The following CDK19 variants were observed in gnomAD, a reference collection of about 807,000 sequenced individuals.
CDK19 encodes the protein cyclin dependent kinase 19.
In CDK19, 20 loss-of-function variants were observed where a neutral mutation model predicts 68.3. The observed-to-expected ratio is 0.29, with a 90% confidence interval of 0.21 to 0.43. The LOEUF is 0.43. CDK19 is among the 20% of genes least tolerant of loss of function. CDK19 has a pLI of 1.00. For synonymous variants in CDK19, 221 were observed against 222.8 expected (o/e 0.99, Z 0.07); for missense variants, 339 against 623.5 (o/e 0.54, Z 4.86).
intron 1 of CDK19, among the ~76,000 whole-genome samples, chr6:110,765,896 A>G (rs1779552087): frequency 6.6e-6 from 1 of 152,174 alleles, no homozygotes. Context: ...CCCCAATGAT[A>G]TATATCATCT....
rs1171033163 is a variant in CDK19, at chr6:110,758,667, AATAT to A, written c.129-12470_129-12467del. Among the ~76,000 whole-genome samples the A allele has an allele frequency of 3.3e-5, 5 of 152,284 alleles. No individual in the cohort carries two copies. In the East Asian group the frequency reaches 9.6e-4, roughly 29 times the overall value. On this transcript the variant is annotated intron_variant, in intron 1 of 12. Transcript: ENST00000368911. The stretch of plus-strand genomic sequence containing the variant: ...CTTTTAACTACACTCCAAAGATAAA[AATAT>A]ATATATTCTGAAAAATAAAATTAAA...
intron 4 of CDK19, among the ~76,000 whole-genome samples, chr6:110,639,155 C>T: frequency 6.6e-6 from 1 of 152,118 alleles, no homozygotes; most frequent in African/African-American, 2.4e-5. Flanking sequence ...CAGCATTCAA[C>T]AACTCTATTA....
intron 4 of CDK19, among the ~76,000 whole-genome samples, chr6:110,640,796 A>C (rs77500901): frequency 0.027 from 4,065 of 152,090 alleles, 80 homozygotes; most frequent in South Asian, 0.083. Flanking sequence ...ATAAAACATA[A>C]ATTAAAAAAA....
chr6:110,730,126 C>G (rs1265802777), intron 2 of CDK19, among the ~76,000 whole-genome samples: 1 of 152,082 alleles, frequency 6.6e-6, no homozygotes, highest in African/African-American at 2.4e-5. Context: ...AAATCCAGAG[C>G]CTATCTTGAT....
chr6:110,798,628 GAAAAAAAAAA>G (rs59236293), intron 1 of CDK19, among the ~76,000 whole-genome samples: 1 of 56,744 alleles, frequency 1.8e-5, no homozygotes, highest in African/African-American at 5.7e-5. Flanking sequence ...TCTGTCTCCA[GAAAAAAAAAA>G]AAAAAAAAAA....
chr6:110,802,448 T>G (rs1198618647), intron 1 of CDK19, among the ~76,000 whole-genome samples: 2 of 152,160 alleles, frequency 1.3e-5, no homozygotes, highest in African/African-American at 4.8e-5. Context: ...ATACCGCATG[T>G]CCTCACTTAT....
At chr6:110,677,230 G>A (rs1026829686) in intron 2 of CDK19, among the ~76,000 whole-genome samples, 2 of 152,126 alleles carry the variant, frequency 1.3e-5, no homozygotes, top group Admixed American at 6.6e-5. Context: ...CAAGAGATGA[G>A]GCAAAGACCA....
At chr6:110,814,819 C>A in intron 1 of CDK19, 190 bp downstream of exon 1, 1 of 750,614 alleles carries the variant, frequency 1.3e-6, no homozygotes. Context: ...GTTCGAGGTA[C>A]GCGACGGGGC....
chr6:110,736,222 T>C (rs1356071753), intron 2 of CDK19, among the ~76,000 whole-genome samples: 1 of 152,140 alleles, frequency 6.6e-6, no homozygotes, highest in Non-Finnish European at 1.5e-5. Context: ...ATGCCTGTAA[T>C]GCCAGCTACT....
At chr6:110,669,559 T>C (rs1435526415) in intron 3 of CDK19, among the ~76,000 whole-genome samples, 2 of 152,244 alleles carry the variant, frequency 1.3e-5, no homozygotes, top group East Asian at 3.9e-4. Context: ...AGTAGGAAAA[T>C]CACTTGAGCC....
chr6:110,721,043 G>C (rs1035728912), intron 2 of CDK19, among the ~76,000 whole-genome samples: 18 of 151,934 alleles, frequency 1.2e-4, no homozygotes, highest in African/African-American at 4.4e-4. Flanking sequence ...TTTGACACCA[G>C]CCTGACCAAC....
intron 2 of CDK19, among the ~76,000 whole-genome samples, chr6:110,698,743 G>A (rs1773712944): frequency 6.6e-6 from 1 of 152,150 alleles, no homozygotes; most frequent in African/African-American, 2.4e-5. Flanking sequence ...CAAAGATATG[G>A]AACCAACCTA....
chr6:110,813,285 T>G (rs1219155573), intron 1 of CDK19: 3 of 152,106 alleles, frequency 2.0e-5, no homozygotes, highest in African/African-American at 4.8e-5. Context: ...TTTTAACTTC[T>G]CAAAAGTTCC....
intron 1 of CDK19, among the ~76,000 whole-genome samples, chr6:110,776,762 A>G (rs1780428836): frequency 6.6e-6 from 1 of 152,228 alleles, no homozygotes; most frequent in African/African-American, 2.4e-5. Context: ...TGACTACTTG[A>G]ATATTACATA....
Position 110,612,332 on chromosome 6 carries a change from G to T in CDK19, c.*2203C>A, listed in dbSNP as rs1296145733. On this transcript the variant is annotated 3_prime_UTR_variant, in exon 13 of 13. Transcript: ENST00000368911. ...ATACGTCAATGCCTTTTGTGATATT[G>T]AATCACTGGCTTTCTCTAAGGTAGA... 4 of 152,564 alleles carry T rather than the reference G, an allele frequency of 2.6e-5. No homozygotes were observed. The highest frequency in any genetic ancestry group is 4.4e-5 in the Non-Finnish European group (3 of 68,024). 9.5% of individuals were successfully genotyped at this position (152,564 alleles called of 1,614,324 possible).
chr6:110,744,048 C>G (rs1196621909), intron 2 of CDK19, among the ~76,000 whole-genome samples: 1 of 126,242 alleles, frequency 7.9e-6, no homozygotes, highest in Non-Finnish European at 1.6e-5. Context: ...GAGTCTCGCT[C>G]TTTCACCCAG....
intron 2 of CDK19, among the ~76,000 whole-genome samples, chr6:110,744,011 GTT>G (rs5879078): frequency 1.8e-5 from 2 of 113,354 alleles, no homozygotes; most frequent in Non-Finnish European, 1.7e-5. Context: ...ACCTCCCCAC[GTT>G]TTTTTTTTTT....
chr6:110,699,540 T>A (rs1295453268), intron 2 of CDK19, among the ~76,000 whole-genome samples: 1 of 151,290 alleles, frequency 6.6e-6, no homozygotes, highest in Non-Finnish European at 1.5e-5. Context: ...TACACAAAAG[T>A]ATTCAAAGTG....
chr6:110,626,700 T>C, intron 8 of CDK19, 76 bp downstream of exon 8: 1 of 876,356 alleles, frequency 1.1e-6, no homozygotes, highest in Non-Finnish European at 1.8e-6. Flanking sequence ...CAAATTCCTG[T>C]TGTTTATAAA....
Sources: allele counts gnomAD v4.1 joint callset (sites outside exome capture counted in the v4.1 genomes callset), GRCh38; gene constraint gnomAD v4.1.1; transcripts MANE v1.5; gene names NCBI Gene and HGNC (gene_info 2026-07-23, HGNC 2026-07-21).